The following ZNF92 variants were observed in gnomAD, a reference collection of about 807,000 sequenced individuals.
ZNF92 encodes epididymis luminal protein 203.
In ZNF92, 11 loss-of-function variants were observed where a neutral mutation model predicts 12.4. The observed-to-expected ratio is 0.89, with a 90% CI of 0.56 to 1.47. ZNF92 has a LOEUF of 1.47. Ranked by LOEUF, ZNF92 falls within the 40% of genes most tolerant of loss-of-function variation. The probability of loss-of-function intolerance (pLI) is 0.00; values close to 1 mark genes in which losing one functional copy is unlikely to be tolerated. For missense variants in ZNF92, 622 were observed against 681.0 expected, an observed-to-expected ratio of 0.91 and a Z score of 0.96; for synonymous variants, 206 against 228.6, an observed-to-expected ratio of 0.90 and a Z score of 0.89.
At chr7:65,382,853 A>T (rs542137173) in intron 1 of ZNF92, among the ~76,000 whole-genome samples, 14 of 152,078 alleles carry the variant, frequency 9.2e-5, no homozygotes, top group Admixed American at 2.0e-4. Flanking sequence ...AGAAATGCAA[A>T]TCCTTTTAGT....
chr7:65,393,467 A>G (rs6950460), intron 3 of ZNF92, among the ~76,000 whole-genome samples: 42,244 of 151,974 alleles, frequency 0.28, 7,705 homozygotes, highest in African/African-American at 0.49. Flanking sequence ...CAATAAACAT[A>G]GATGTTCAAA....
intron 3 of ZNF92, among the ~76,000 whole-genome samples, chr7:65,395,723 A>G (rs192073075): frequency 2.6e-5 from 4 of 152,278 alleles, no homozygotes; most frequent in Admixed American, 1.3e-4. Context: ...CCGTTTTACA[A>G]TTATATAATA....
At chr7:65,395,980 T>C (rs10271675) in intron 3 of ZNF92, among the ~76,000 whole-genome samples, 5,766 of 152,188 alleles carry the variant, frequency 0.038, 367 homozygotes, top group African/African-American at 0.13. Flanking sequence ...GGTGTGATCA[T>C]GGCAATGAGC....
At chr7:65,374,215 C>T (rs1793175877) in intron 1 of ZNF92, among the ~76,000 whole-genome samples, 1 of 152,124 alleles carries the variant, frequency 6.6e-6, no homozygotes, top group African/African-American at 2.4e-5. Flanking sequence ...CCTCCCTGCG[C>T]AGTGACTGTG....
At chr7:65,397,788 T>C (rs1793880741) in intron 3 of ZNF92, among the ~76,000 whole-genome samples, 1 of 151,012 alleles carries the variant, frequency 6.6e-6, no homozygotes, top group South Asian at 2.1e-4. Context: ...AATCAGTTGC[T>C]ACACGTGTTC....
intron 1 of ZNF92, 118 bp downstream of exon 1, chr7:65,374,118 G>C (rs944302909): frequency 1.3e-5 from 19 of 1,411,128 alleles, no homozygotes; most frequent in Non-Finnish European, 1.7e-5. Flanking sequence ...CGCGGCCCGA[G>C]TTCTCCTTGG....
intron 1 of ZNF92, among the ~76,000 whole-genome samples, chr7:65,378,335 C>T (rs893994785): frequency 4.6e-5 from 7 of 150,878 alleles, no homozygotes; most frequent in Non-Finnish European, 8.9e-5. Flanking sequence ...AATGTTTTAC[C>T]TTGAAGTCAG....
chr7:65,396,143 G>A (rs6979586), intron 3 of ZNF92, among the ~76,000 whole-genome samples: 42,210 of 151,864 alleles, frequency 0.28, 7,698 homozygotes, highest in African/African-American at 0.49. Flanking sequence ...AACTCCTGCA[G>A]TCAAGTGATC....
intron 3 of ZNF92, among the ~76,000 whole-genome samples, chr7:65,390,192 A>C (rs1793674973): frequency 6.6e-6 from 1 of 152,144 alleles, no homozygotes; most frequent in Admixed American, 6.5e-5. Context: ...GACATGTTTA[A>C]ATGTTTATGA....
intron 3 of ZNF92, among the ~76,000 whole-genome samples, chr7:65,389,782 T>G (rs1793663610): frequency 6.6e-6 from 1 of 152,018 alleles, no homozygotes; most frequent in Admixed American, 6.6e-5. Flanking sequence ...CCCAAAGTGC[T>G]GGGATTACAG....
At chr7:65,389,294 C>CA (rs1172127821) in intron 3 of ZNF92, among the ~76,000 whole-genome samples, 1 of 151,308 alleles carries the variant, frequency 6.6e-6, no homozygotes, top group Non-Finnish European at 1.5e-5. Flanking sequence ...AAGCTGTTTC[C>CA]AAAAAAAATA....
rs1024614645 is a variant in ZNF92, at chr7:65,400,592, T to C, written c.*717T>C. On this transcript the variant is annotated 3_prime_UTR_variant, in exon 4 of 4. Coordinates refer to ENST00000328747, the MANE Select transcript of ZNF92 (RefSeq NM_152626.4). The stretch of plus-strand genomic sequence containing the variant: ...TCAGACATTACACTAAATTAGAGTG[T>C]TGAGTATAGGAGATCCAAAACTAAA... 3.9e-5 allele frequency: 6 copies of C among 151,996 alleles called. No individual in the cohort carries two copies. The highest frequency in any genetic ancestry group is 1.4e-4 in the African/African-American group (6 of 41,414). The allele number at this position is 151,996 out of a possible 1,614,324, so 9.4% of individuals were successfully genotyped here.
At chr7:65,378,175 G>A (rs972156843) in intron 1 of ZNF92, among the ~76,000 whole-genome samples, 3 of 151,620 alleles carry the variant, frequency 2.0e-5, no homozygotes, top group African/African-American at 7.3e-5. Context: ...GCGGGCGACT[G>A]TAATCCCAGT....
chr7:65,375,337 C>T (rs1793210791), intron 1 of ZNF92, among the ~76,000 whole-genome samples: 1 of 152,020 alleles, frequency 6.6e-6, no homozygotes. Context: ...AATATCAGCT[C>T]CTGGGTCATT....
intron 3 of ZNF92, 43 bp downstream of exon 3, chr7:65,388,944 CA>C: frequency 6.7e-7 from 1 of 1,490,034 alleles, no homozygotes; most frequent in Non-Finnish European, 9.1e-7. Flanking sequence ...ATGAGAGGTC[CA>C]AAAGTCAAGG....
chr7:65,383,542 GT>G (rs146839203), intron 1 of ZNF92, among the ~76,000 whole-genome samples: 1,834 of 152,250 alleles, frequency 0.012, 48 homozygotes, highest in African/African-American at 0.04. Flanking sequence ...ATCTTGTTCA[GT>G]GACCTGTTAC....
At chr7:65,378,594 T>C (rs549412057) in intron 1 of ZNF92, among the ~76,000 whole-genome samples, 1 of 149,810 alleles carries the variant, frequency 6.7e-6, no homozygotes, top group Non-Finnish European at 1.5e-5. Context: ...TACAAAAAAG[T>C]AGCTGGGCGT....
intron 1 of ZNF92, 21 bp from the exon 2 acceptor site, chr7:65,387,877 TTGTG>T (rs143107154): frequency 0.047 from 71,981 of 1,521,924 alleles, 2,053 homozygotes; most frequent in East Asian, 0.089. Flanking sequence ...ATATGTGTGT[TTGTG>T]TGTGTGTGTG....
chr7:65,394,448 T>C (rs1182828968), intron 3 of ZNF92, among the ~76,000 whole-genome samples: 2 of 152,126 alleles, frequency 1.3e-5, no homozygotes, highest in Non-Finnish European at 2.9e-5. Context: ...TTTGTTATTG[T>C]AGATTTTAAT....
Sources: gnomAD v4.1 joint callset for allele counts (sites outside exome capture counted in the v4.1 genomes callset) on GRCh38, gnomAD v4.1.1 for gene constraint, MANE v1.5 for transcripts, NCBI Gene and HGNC (gene_info 2026-07-23, HGNC 2026-07-21) for gene names.